Variants in ZEB1 observed in about 807,000 individuals in gnomAD.
The protein encoded by ZEB1 is zinc finger E-box-binding homeobox 1.
In ZEB1, 21 loss-of-function variants were observed where a neutral mutation model predicts 84.9. The ratio of observed to expected loss-of-function variants is 0.25; its 90% confidence interval spans 0.18 to 0.36. The LOEUF (loss-of-function observed/expected upper bound fraction) is 0.36. ZEB1 is among the 10% of genes least tolerant of loss of function. The probability of loss-of-function intolerance (pLI) is 1.00; values close to 1 mark genes in which losing one functional copy is unlikely to be tolerated. For missense variants in ZEB1, 1,104 were observed against 1,330.2 expected (o/e 0.83, Z 2.65); for synonymous variants, 420 against 471.1 (o/e 0.89, Z 1.41).
chr10:31,362,693 G>A (rs541640351), intron 1 of ZEB1: 211 of 458,450 alleles, frequency 4.6e-4, no homozygotes, highest in South Asian at 8.1e-4. Context: ...TGGAGCAGCA[G>A]GGCAGAGGCG....
upstream of ZEB1, chr10:31,318,653 C>A (rs1322269983): frequency 6.3e-6 from 1 of 157,776 alleles, no homozygotes; most frequent in South Asian, 1.7e-4. Context: ...GGGAACTCCC[C>A]GGGGAGTCCA....
chr10:31,410,640 T>C (rs984521953), intron 1 of ZEB1, among the ~76,000 whole-genome samples: 1 of 152,166 alleles, frequency 6.6e-6, no homozygotes, highest in African/African-American at 2.4e-5. Flanking sequence ...GTCCTGGGCT[T>C]TTTTTGGTTG....
At chr10:31,492,867 C>T (rs1038538500) in intron 2 of ZEB1, among the ~76,000 whole-genome samples, 1 of 151,838 alleles carries the variant, frequency 6.6e-6, no homozygotes, top group Non-Finnish European at 1.5e-5. Context: ...CTAAAAAGAA[C>T]AAGCCATAAG....
chr10:31,448,587 T>G (rs1489085373), intron 1 of ZEB1, among the ~76,000 whole-genome samples: 5 of 151,324 alleles, frequency 3.3e-5, no homozygotes, highest in Admixed American at 1.3e-4. Flanking sequence ...ACAGATGGGT[T>G]TTCGGTGTGG....
intron 2 of ZEB1, among the ~76,000 whole-genome samples, chr10:31,472,096 A>G (rs1448426727): frequency 6.6e-6 from 1 of 151,236 alleles, no homozygotes; most frequent in Non-Finnish European, 1.5e-5. Flanking sequence ...CTAAATGCCC[A>G]CAAGAGAAAG....
chr10:31,337,912 G>A (rs1183397244), intron 1 of ZEB1, among the ~76,000 whole-genome samples: 1 of 152,042 alleles, frequency 6.6e-6, no homozygotes, highest in Non-Finnish European at 1.5e-5. Flanking sequence ...TTGAACTCCT[G>A]ACCCTCATGA....
chr10:31,460,231 T>C (rs1265475383), intron 1 of ZEB1, among the ~76,000 whole-genome samples: 1 of 152,098 alleles, frequency 6.6e-6, no homozygotes, highest in Non-Finnish European at 1.5e-5. Context: ...CTATGAACTA[T>C]AGAAATCACT....
At chr10:31,335,457 GTTTA>G (rs2133385779) in intron 1 of ZEB1, among the ~76,000 whole-genome samples, 1 of 152,166 alleles carries the variant, frequency 6.6e-6, no homozygotes, top group African/African-American at 2.4e-5. Context: ...ACCAAGTTGG[GTTTA>G]CTCTAGAATT....
At chr10:31,321,740 C>T (rs762566557) in intron 1 of ZEB1, 6 of 662,930 alleles carry the variant, frequency 9.1e-6, no homozygotes, top group Non-Finnish European at 1.6e-5. Flanking sequence ...ATATTACACT[C>T]GTAAGGCATA....
intron 2 of ZEB1, among the ~76,000 whole-genome samples, chr10:31,469,321 G>A (rs1207389187): frequency 2.6e-5 from 4 of 151,064 alleles, no homozygotes; most frequent in African/African-American, 9.8e-5. Flanking sequence ...TCACTAGGGA[G>A]TGCCAGACAG....
chr10:31,338,628 G>C (rs1310990611), intron 1 of ZEB1, among the ~76,000 whole-genome samples: 1 of 152,150 alleles, frequency 6.6e-6, no homozygotes, highest in Non-Finnish European at 1.5e-5. Flanking sequence ...TTTGATCTGA[G>C]AATGTAAAAA....
At chr10:31,461,760 G>A (rs1333335080) in intron 2 of ZEB1, among the ~76,000 whole-genome samples, 1 of 152,082 alleles carries the variant, frequency 6.6e-6, no homozygotes, top group Admixed American at 6.6e-5. Flanking sequence ...AAAGTAAGGA[G>A]ACCCTCTACT....
intron 7 of ZEB1, among the ~76,000 whole-genome samples, chr10:31,522,965 C>T (rs916616038): frequency 6.6e-6 from 1 of 152,128 alleles, no homozygotes; most frequent in Non-Finnish European, 1.5e-5. Context: ...GAAAAAGAGC[C>T]ATCCTTAGCA....
intron 4 of ZEB1, among the ~76,000 whole-genome samples, chr10:31,508,452 C>G (rs563801163): frequency 1.3e-5 from 2 of 152,200 alleles, no homozygotes; most frequent in Non-Finnish European, 2.9e-5. Context: ...GAGTCAGTCC[C>G]CAGGCCTACC....
intron 3 of ZEB1, among the ~76,000 whole-genome samples, chr10:31,496,710 C>A (rs561009955): frequency 6.6e-6 from 1 of 152,076 alleles, no homozygotes; most frequent in African/African-American, 2.4e-5. Flanking sequence ...ATTACATTTT[C>A]TTTTTCCTTC....
Position 31,458,334 on chromosome 10 carries a change from TGTTG to T in ZEB1, c.59-2702_59-2699del, listed in dbSNP as rs1183953120. ...TTCCGTGTGTGTGTGTGTGTGTGTG[TGTTG>T]TGTGTGTGTGTGTGTGTGTGTGTGT... On this transcript the variant is annotated intron_variant, in intron 1 of 8. Coordinates refer to ENST00000424869, the MANE Select transcript of ZEB1 (RefSeq NM_001174096.2). Among the ~76,000 whole-genome samples the T allele has an allele frequency of 7.6e-4, 76 of 99,592 alleles. 2 individuals are homozygous for T. The African/African-American group carries it at 0.013, about 17-fold the overall frequency. 65.3% of individuals were successfully genotyped at this position (99,592 alleles called of 152,430 possible). A position where few individuals can be genotyped will look rare whatever the true frequency, so the allele number is the denominator to read the frequency against.
chr10:31,429,135 T>C, intron 1 of ZEB1, among the ~76,000 whole-genome samples: 1 of 152,186 alleles, frequency 6.6e-6, no homozygotes, highest in Non-Finnish European at 1.5e-5. Context: ...TGCAGACTTG[T>C]TTATGTGGTT....
At chr10:31,394,952 C>T (rs928128285) in intron 1 of ZEB1, among the ~76,000 whole-genome samples, 2 of 151,802 alleles carry the variant, frequency 1.3e-5, no homozygotes, top group African/African-American at 4.9e-5. Flanking sequence ...AAGAATCATA[C>T]ACCAGAGATA....
chr10:31,379,299 C>T (rs936051418), intron 1 of ZEB1, among the ~76,000 whole-genome samples: 15 of 151,884 alleles, frequency 9.9e-5, no homozygotes, highest in African/African-American at 3.6e-4. Flanking sequence ...TCAGTATACC[C>T]CATAAACTGT....
Sources: allele counts gnomAD v4.1 joint callset (sites outside exome capture counted in the v4.1 genomes callset), GRCh38; gene constraint gnomAD v4.1.1; transcripts MANE v1.5; gene names NCBI Gene and HGNC (gene_info 2026-07-23, HGNC 2026-07-21).